CUL1: variants seen among roughly 807,000 people sequenced by gnomAD.
CUL1 encodes the protein cullin 1.
Under a neutral mutation model 118.0 loss-of-function variants are expected in CUL1, and 24 were observed. The observed-to-expected ratio is 0.20, with a 90% CI of 0.15 to 0.29. The LOEUF (loss-of-function observed/expected upper bound fraction) is 0.29. CUL1 is among the 10% of genes least tolerant of loss of function. CUL1 has a pLI of 1.00. For missense variants in CUL1, 361 were observed against 933.8 expected (o/e 0.39, Z 7.99); for synonymous variants, 332 against 340.4 (o/e 0.98, Z 0.27).
intron 9 of CUL1, among the ~76,000 whole-genome samples, chr7:148,771,185 C>A (rs1406828858): frequency 6.6e-6 from 1 of 152,030 alleles, no homozygotes; most frequent in East Asian, 1.9e-4. Flanking sequence ...GAAATAAACT[C>A]CTTTGAGAGG....
At chr7:148,778,035 C>T (rs1334834074) in intron 9 of CUL1, among the ~76,000 whole-genome samples, 10 of 127,036 alleles carry the variant, frequency 7.9e-5, no homozygotes, top group Non-Finnish European at 1.4e-4. Context: ...TGCACTCCTG[C>T]ACTCCTGCCA....
rs1180999126 is a variant in CUL1 at position 148,766,729 on chromosome 7, C to G, written c.952+6C>G. ...GGATGCTGACAAAAATGAAGGTGAG[C>G]CACAAGACTCATAAAATGTAGGTAT... On this transcript the variant is annotated splice_donor_region_variant and intron_variant, in intron 8 of 21. Transcript: ENST00000325222. 4 of 1,605,818 alleles carry G rather than the reference C, an allele frequency of 2.5e-6. No homozygotes were observed. Among genetic ancestry groups the G allele is most frequent in the African/African-American group, 2.7e-5 (2 of 74,344 alleles).
rs947357473 is a variant in CUL1 at position 148,786,748 on chromosome 7, C to T, written c.1347+149C>T. 9.8e-6 allele frequency: 8 copies of T among 812,278 alleles called. No homozygotes were observed. In the African/African-American group the frequency reaches 1.2e-4, roughly 12 times the overall value. 50.3% of individuals were successfully genotyped at this position (812,278 alleles called of 1,614,324 possible). A position where few individuals can be genotyped will look rare whatever the true frequency, so the allele number is the denominator to read the frequency against. On this transcript the variant is annotated intron_variant, in intron 12 of 21. Coordinates refer to ENST00000325222, the MANE Select transcript of CUL1 (RefSeq NM_003592.3). Reference sequence around the variant, plus strand: ...TGGTTTTACTTCCTAAATTGAGTTACTACTTTTAGCATTCATACTTTTCTC... The same window carrying T: ...TGGTTTTACTTCCTAAATTGAGTTATTACTTTTAGCATTCATACTTTTCTC...
intron 2 of CUL1, among the ~76,000 whole-genome samples, chr7:148,746,626 C>T (rs896349689): frequency 6.6e-6 from 1 of 152,148 alleles, no homozygotes; most frequent in African/African-American, 2.4e-5. Flanking sequence ...AGAATGGACT[C>T]TATGTAAAAC....
upstream of CUL1, chr7:148,698,624 G>A (rs991851272): frequency 6.6e-6 from 1 of 151,884 alleles, no homozygotes; most frequent in Admixed American, 6.6e-5. Context: ...CGGGCGGGAG[G>A]GAGCTTTCCG....
At chr7:148,772,220 G>T (rs1800235301) in intron 9 of CUL1, among the ~76,000 whole-genome samples, 1 of 152,154 alleles carries the variant, frequency 6.6e-6, no homozygotes, top group Non-Finnish European at 1.5e-5. Flanking sequence ...TTCAAGACCA[G>T]CCTGGCCAAC....
intron 1 of CUL1, among the ~76,000 whole-genome samples, chr7:148,715,237 G>A (rs1798176193): frequency 6.6e-6 from 1 of 152,166 alleles, no homozygotes; most frequent in Admixed American, 6.5e-5. Flanking sequence ...AGCAATGTTG[G>A]GAGAGGCAGG....
intron 9 of CUL1, among the ~76,000 whole-genome samples, chr7:148,777,011 G>A (rs955087450): frequency 4.6e-5 from 7 of 152,082 alleles, no homozygotes; most frequent in Admixed American, 1.3e-4. Context: ...TAACATTTTC[G>A]TCTGTAAACA....
chr7:148,769,563 G>C (rs1490869877), intron 9 of CUL1, among the ~76,000 whole-genome samples: 1 of 152,122 alleles, frequency 6.6e-6, no homozygotes, highest in Non-Finnish European at 1.5e-5. Flanking sequence ...TATATGGGCA[G>C]CAGAGCCAAG....
chr7:148,757,842 G>A (rs983618228), intron 4 of CUL1, among the ~76,000 whole-genome samples: 11 of 152,092 alleles, frequency 7.2e-5, no homozygotes, highest in African/African-American at 2.2e-4. Context: ...AAGCAAAAGC[G>A]GAAACCCCTT....
chr7:148,771,149 T>A (rs942875128), intron 9 of CUL1, among the ~76,000 whole-genome samples: 1 of 152,164 alleles, frequency 6.6e-6, no homozygotes, highest in African/African-American at 2.4e-5. Flanking sequence ...GAACACTATA[T>A]ATGTTACACT....
At chr7:148,733,030 G>T (rs1383967229) in intron 2 of CUL1, among the ~76,000 whole-genome samples, 1 of 152,118 alleles carries the variant, frequency 6.6e-6, no homozygotes, top group African/African-American at 2.4e-5. Flanking sequence ...ACCGCGGGCT[G>T]GTGGTAGTCA....
At chr7:148,781,333 C>T (rs750462092) in intron 9 of CUL1, among the ~76,000 whole-genome samples, 19 of 152,032 alleles carry the variant, frequency 1.2e-4, no homozygotes, top group Admixed American at 8.5e-4. Context: ...TGCCCGCCTA[C>T]GCCTCCCAAA....
At chr7:148,744,377 T>C (rs1300294075) in intron 2 of CUL1, among the ~76,000 whole-genome samples, 2 of 151,114 alleles carry the variant, frequency 1.3e-5, no homozygotes, top group African/African-American at 4.9e-5. Context: ...CTTTTTAATA[T>C]ATTTGTTGGT....
intron 1 of CUL1, among the ~76,000 whole-genome samples, chr7:148,720,610 G>A (rs1798368222): frequency 6.6e-6 from 1 of 152,142 alleles, no homozygotes; most frequent in Admixed American, 6.5e-5. Context: ...TAGAGAGGGT[G>A]GTGCTTTCGT....
intron 17 of CUL1, among the ~76,000 whole-genome samples, chr7:148,796,328 G>A (rs760655344): frequency 2.0e-5 from 3 of 152,140 alleles, no homozygotes; most frequent in Non-Finnish European, 2.9e-5. Flanking sequence ...ACTTGGTCAT[G>A]GTATATAATC....
At position 148,757,505 on chromosome 7, in the gene CUL1, C is replaced by T. The variant is rs555203112; in HGVS notation, c.483+355C>T. Among the ~76,000 whole-genome samples the T allele has an allele frequency of 2.0e-5, 3 of 152,276 alleles. No homozygotes were observed. In the South Asian group the frequency reaches 6.2e-4, roughly 32 times the overall value. ...GCAAATCAGGTGCCATACCTGAGGG[C>T]GAGCCCTGAGGATTAGCCCTCCCAT... On this transcript the variant is annotated intron_variant, in intron 4 of 21. Transcript: ENST00000325222.
chr7:148,703,830 C>T (rs949924866), intron 1 of CUL1, among the ~76,000 whole-genome samples: 4 of 151,942 alleles, frequency 2.6e-5, no homozygotes, highest in East Asian at 1.9e-4. Context: ...TGCGCCCGGC[C>T]GTGAGGATAT....
intron 7 of CUL1, among the ~76,000 whole-genome samples, chr7:148,762,179 T>A (rs1584797926): frequency 6.6e-6 from 1 of 152,196 alleles, no homozygotes; most frequent in Admixed American, 6.5e-5. Context: ...CCTGTTCACT[T>A]GGAGTATGAA....
Sources: gnomAD v4.1 joint callset for allele counts (sites outside exome capture counted in the v4.1 genomes callset) on GRCh38, gnomAD v4.1.1 for gene constraint, MANE v1.5 for transcripts, NCBI Gene and HGNC (gene_info 2026-07-23, HGNC 2026-07-21) for gene names.